NTRK3: variants seen among roughly 807,000 people sequenced by gnomAD.
NTRK3 encodes the protein NT-3 growth factor receptor.
NTRK3 carries 24 observed loss-of-function variants against 91.7 expected under a neutral mutation model. The observed-to-expected ratio is 0.26, with a 90% CI of 0.19 to 0.37. The LOEUF (loss-of-function observed/expected upper bound fraction) is 0.37, where lower values mean the gene tolerates loss of function less well. Ranked by LOEUF, NTRK3 falls within the 10% of genes least tolerant of loss-of-function variation. The pLI, the probability that NTRK3 is intolerant of heterozygous loss-of-function variation, is 1.00. For missense variants in NTRK3, 880 were observed against 1,068.9 expected (o/e 0.82, Z 2.46); for synonymous variants, 483 against 404.0 (o/e 1.20, Z -2.34).
At chr15:88,136,150 AAGG>A (rs1475944301) in intron 8 of NTRK3, 110 bp from the exon 9 acceptor site, 3 of 1,397,194 alleles carry the variant, frequency 2.1e-6, no homozygotes, top group Non-Finnish European at 2.0e-6. Flanking sequence ...GCGGAAGGCG[AAGG>A]AGATCTTTGT....
rs2052272063 is a variant in NTRK3, at chr15:88,240,773, A to G, written c.248+15133T>C. On this transcript the variant is annotated intron_variant, in intron 3 of 18. Coordinates refer to ENST00000394480, the Ensembl canonical transcript of NTRK3. The surrounding 1 kb of genome is among the most constrained non-coding windows in gnomAD (Gnocchi z 4.9). ...GTTAAAATAAAAGTCCCCTTAAAGG[A>G]GCCCCCAGAGCAGTCATCACACAGC... Among the ~76,000 whole-genome samples the G allele has an allele frequency of 6.6e-6, 1 of 152,200 alleles. No homozygotes were observed. Among genetic ancestry groups the G allele is most frequent in the Non-Finnish European group, 1.5e-5 (1 of 68,040 alleles).
At chr15:88,025,375 A>C (rs569815958) in intron 14 of NTRK3, among the ~76,000 whole-genome samples, 1 of 152,358 alleles carries the variant, frequency 6.6e-6, no homozygotes, top group African/African-American at 2.4e-5. Context: ...GTTGTCTGTT[A>C]CAGGTTATGT....
At chr15:88,226,975 T>C (rs1165362106) in intron 3 of NTRK3, among the ~76,000 whole-genome samples, 1 of 152,236 alleles carries the variant, frequency 6.6e-6, no homozygotes, top group Non-Finnish European at 1.5e-5. Flanking sequence ...TATGTATGCA[T>C]CTGCACATTC....
chr15:88,028,330 C>T (rs1278096377), intron 14 of NTRK3, among the ~76,000 whole-genome samples: 1 of 151,968 alleles, frequency 6.6e-6, no homozygotes, highest in Non-Finnish European at 1.5e-5. Flanking sequence ...CTGACACAAA[C>T]CCTCAATAAA....
chr15:88,028,169 G>C (rs999922946), intron 14 of NTRK3, among the ~76,000 whole-genome samples: 1 of 151,724 alleles, frequency 6.6e-6, no homozygotes, highest in Non-Finnish European at 1.5e-5. Context: ...GACAGGAAGG[G>C]AGGGAGGGAG....
intron 14 of NTRK3, among the ~76,000 whole-genome samples, chr15:87,999,678 A>G (rs10520670): frequency 0.03 from 4,594 of 152,292 alleles, 110 homozygotes; most frequent in Middle Eastern, 0.048. Flanking sequence ...ACATGACTAA[A>G]TTGGAAAAGT....
chr15:88,008,180 C>T (rs2076623246), intron 14 of NTRK3, among the ~76,000 whole-genome samples: 1 of 152,172 alleles, frequency 6.6e-6, no homozygotes, highest in African/African-American at 2.4e-5. Context: ...AGCAAATACA[C>T]TCCCAGAACC....
At chr15:88,200,901 A>C (rs191266997) in intron 3 of NTRK3, among the ~76,000 whole-genome samples, 1 of 152,268 alleles carries the variant, frequency 6.6e-6, no homozygotes, top group East Asian at 1.9e-4. Flanking sequence ...CTGGGACAAG[A>C]GCTCTGCCCA....
chr15:87,955,696 C>A (rs1596392827), intron 14 of NTRK3, among the ~76,000 whole-genome samples: 2 of 152,158 alleles, frequency 1.3e-5, no homozygotes, highest in South Asian at 4.1e-4. Flanking sequence ...ACAGGCACGA[C>A]CATTGGCCCC....
chr15:88,222,175 A>G (rs1261307447), intron 3 of NTRK3, among the ~76,000 whole-genome samples: 2 of 152,244 alleles, frequency 1.3e-5, no homozygotes, highest in Non-Finnish European at 2.9e-5. Flanking sequence ...TCTCTGTGAC[A>G]CGGGCATAGG....
chr15:88,118,401 T>A (rs11630338), intron 13 of NTRK3, among the ~76,000 whole-genome samples: 1 of 151,888 alleles, frequency 6.6e-6, no homozygotes, highest in African/African-American at 2.4e-5. Context: ...GTTGGAGCAG[T>A]TTCCACAACT....
At chr15:87,982,796 A>G (rs1200969915) in intron 14 of NTRK3, among the ~76,000 whole-genome samples, 1 of 152,214 alleles carries the variant, frequency 6.6e-6, no homozygotes, top group Non-Finnish European at 1.5e-5. Flanking sequence ...ACATAAAAAG[A>G]CATTCAAATC....
At chr15:87,947,421 G>T (rs1203097145) in intron 14 of NTRK3, among the ~76,000 whole-genome samples, 3 of 152,128 alleles carry the variant, frequency 2.0e-5, no homozygotes, top group Non-Finnish European at 4.4e-5. Flanking sequence ...ATCAGTACTT[G>T]GTAGAAACCA....
At chr15:88,032,954 G>A (rs2229910) in exon 14 of NTRK3, 78 of 1,611,946 alleles carry the variant, frequency 4.8e-5, no homozygotes, top group Middle Eastern at 1.7e-4. Flanking sequence ...TGTCGGGCCC[G>A]GCATCCAGTG....
intron 13 of NTRK3, among the ~76,000 whole-genome samples, chr15:88,075,027 G>GT (rs1332756335): frequency 6.6e-6 from 1 of 152,156 alleles, no homozygotes; most frequent in Non-Finnish European, 1.5e-5. Context: ...GCTCCAGGGG[G>GT]TTGTTCTAAC....
chr15:87,891,627 T>C (rs2065862037), intron 17 of NTRK3, among the ~76,000 whole-genome samples: 2 of 152,186 alleles, frequency 1.3e-5, no homozygotes, highest in African/African-American at 2.4e-5. Flanking sequence ...TAACATACCA[T>C]ATCTGTTCTG....
At chr15:87,914,821 G>T (rs1250890602) in intron 17 of NTRK3, among the ~76,000 whole-genome samples, 1 of 152,220 alleles carries the variant, frequency 6.6e-6, no homozygotes, top group Admixed American at 6.5e-5. Context: ...AATGGAGGAA[G>T]GCAACCAAGA....
At chr15:88,009,686 G>C (rs2076736548) in intron 14 of NTRK3, among the ~76,000 whole-genome samples, 1 of 152,192 alleles carries the variant, frequency 6.6e-6, no homozygotes. Context: ...CCTACAAGAT[G>C]CTGCTTTGCA....
chr15:88,062,772 A>G (rs1383120901), intron 13 of NTRK3, among the ~76,000 whole-genome samples: 1 of 152,198 alleles, frequency 6.6e-6, no homozygotes, highest in Non-Finnish European at 1.5e-5. Context: ...CATTTCTGTC[A>G]TTGCTTCCAT....
Sources: allele counts gnomAD v4.1 joint callset (sites outside exome capture counted in the v4.1 genomes callset), GRCh38; gene constraint gnomAD v4.1.1; non-coding constraint Gnocchi (gnomAD v3.1); transcripts MANE v1.5; gene names NCBI Gene and HGNC (gene_info 2026-07-23, HGNC 2026-07-21).